The following ELMO1 variants were observed in gnomAD, a reference collection of about 807,000 sequenced individuals.
The protein encoded by ELMO1 is engulfment and cell motility 1, also known as engulfment and cell motility protein 1.
Under a neutral mutation model 98.9 loss-of-function variants are expected in ELMO1, and 26 were observed. The observed-to-expected ratio is 0.26, with a 90% CI of 0.19 to 0.36. The LOEUF is 0.36. Among genes scored for constraint, ELMO1 ranks in the 10% least tolerant of loss-of-function variants. The pLI, the probability that ELMO1 is intolerant of heterozygous loss-of-function variation, is 1.00. For synonymous variants in ELMO1, 346 were observed against 346.0 expected, an observed-to-expected ratio of 1.00 and a Z score of 0.00; for missense variants, 627 against 935.2, an observed-to-expected ratio of 0.67 and a Z score of 4.30.
chr7:36,897,349 T>TGTGTGTGTGTGTGTGTGTGTGG (rs1370708472), intron 16 of ELMO1, among the ~76,000 whole-genome samples: 1 of 151,622 alleles, frequency 6.6e-6, no homozygotes, highest in African/African-American at 2.4e-5. Flanking sequence ...TGTGTGTGTG[T>TGTGTGTGTGTGTGTGTGTGTGG]GAAAGAGTGT....
At chr7:37,102,707 C>T (rs904346902) in intron 14 of ELMO1, among the ~76,000 whole-genome samples, 1 of 152,222 alleles carries the variant, frequency 6.6e-6, no homozygotes, top group African/African-American at 2.4e-5. Context: ...AGCCATCTCA[C>T]TGTACAGATG....
At chr7:37,192,990 T>TAGATG (rs1791722803) in intron 13 of ELMO1, among the ~76,000 whole-genome samples, 1 of 68,602 alleles carries the variant, frequency 1.5e-5, no homozygotes, top group African/African-American at 5.2e-5. Context: ...TATATATATA[T>TAGATG]ATATATATAT....
At chr7:37,187,537 A>G (rs1039642692) in intron 13 of ELMO1, among the ~76,000 whole-genome samples, 3 of 152,188 alleles carry the variant, frequency 2.0e-5, no homozygotes, top group African/African-American at 7.2e-5. Context: ...AAAACTTCCC[A>G]ATTCACCCCA....
At chr7:37,215,646 C>T (rs1793235242) in intron 11 of ELMO1, among the ~76,000 whole-genome samples, 1 of 152,204 alleles carries the variant, frequency 6.6e-6, no homozygotes, top group Non-Finnish European at 1.5e-5. Flanking sequence ...TCAAACTAGC[C>T]AATCCTAAAC....
chr7:37,347,662 T>A (rs1164342118), intron 1 of ELMO1, among the ~76,000 whole-genome samples: 1 of 152,148 alleles, frequency 6.6e-6, no homozygotes, highest in Non-Finnish European at 1.5e-5. Context: ...AGGCCTCCCA[T>A]CCACATGAAA....
intron 13 of ELMO1, among the ~76,000 whole-genome samples, chr7:37,188,501 A>AATAATAATAATAATAAT (rs1554438183): frequency 1.6e-5 from 2 of 125,960 alleles, no homozygotes; most frequent in Non-Finnish European, 1.6e-5. Context: ...AAAAAAAAAA[A>AATAATAATAATAATAAT]AATAATAATA....
At chr7:37,077,720 C>T (rs915424123) in intron 15 of ELMO1, among the ~76,000 whole-genome samples, 3 of 152,246 alleles carry the variant, frequency 2.0e-5, no homozygotes, top group African/African-American at 4.8e-5. Context: ...AAGTTTCAGG[C>T]GCCAACAACG....
At chr7:37,434,891 C>T (rs760961623) in intron 1 of ELMO1, among the ~76,000 whole-genome samples, 12 of 152,196 alleles carry the variant, frequency 7.9e-5, no homozygotes, top group Non-Finnish European at 1.6e-4. Context: ...AGTAACTCCC[C>T]CTTCAACAGC....
At chr7:37,395,875 C>T (rs1187570129) in intron 1 of ELMO1, among the ~76,000 whole-genome samples, 1 of 152,184 alleles carries the variant, frequency 6.6e-6, no homozygotes, top group Non-Finnish European at 1.5e-5. Context: ...AGTGCACAGA[C>T]ATTTTGTACA....
intron 18 of ELMO1, among the ~76,000 whole-genome samples, chr7:36,882,758 A>C (rs1195811768): frequency 6.6e-6 from 1 of 152,214 alleles, no homozygotes; most frequent in African/African-American, 2.4e-5. Context: ...TAAAGTATGG[A>C]TCCTACATCT....
At chr7:37,427,789 C>G (rs1254886577) in intron 1 of ELMO1, among the ~76,000 whole-genome samples, 2 of 152,212 alleles carry the variant, frequency 1.3e-5, no homozygotes, top group Non-Finnish European at 2.9e-5. Context: ...GCATGCTCTT[C>G]CATTTCTGCA....
intron 15 of ELMO1, among the ~76,000 whole-genome samples, chr7:37,078,203 G>A (rs1797686031): frequency 6.6e-6 from 1 of 152,100 alleles, no homozygotes; most frequent in South Asian, 2.1e-4. Context: ...TTATAATAAT[G>A]CAGTCATAAA....
In ELMO1 at chr7:37,123,354, T is replaced by C. The variant is rs193213557; in HGVS notation, c.1191+9776A>G. ...AAAATCAATGAATCCAGGAGCTGCT[T>C]TTTTGAAAAGATCAACAAAACTGAT... is the stretch of plus-strand genomic sequence containing the variant. On this transcript the variant is annotated intron_variant, in intron 14 of 21. Coordinates refer to ENST00000310758, the MANE Select transcript of ELMO1 (RefSeq NM_014800.11). Among the ~76,000 whole-genome samples, 1,049 of 152,304 alleles carry C rather than the reference T, an allele frequency of 6.9e-3. 12 individuals carry two copies. The highest frequency in any genetic ancestry group is 0.024 in the African/African-American group (995 of 41,552).
chr7:37,378,593 A>G (rs942987224), intron 1 of ELMO1, among the ~76,000 whole-genome samples: 1 of 150,578 alleles, frequency 6.6e-6, no homozygotes, highest in African/African-American at 2.4e-5. Flanking sequence ...CGTGGTATAA[A>G]CGAAAAAAAA....
intron 15 of ELMO1, among the ~76,000 whole-genome samples, chr7:37,045,299 C>G (rs1294087663): frequency 6.6e-6 from 1 of 152,168 alleles, no homozygotes; most frequent in Non-Finnish European, 1.5e-5. Context: ...ATGTTAATAA[C>G]AGGAGAAATG....
chr7:37,143,626 C>T (rs1187248287), intron 13 of ELMO1, among the ~76,000 whole-genome samples: 2 of 151,668 alleles, frequency 1.3e-5, no homozygotes, highest in Non-Finnish European at 2.9e-5. Flanking sequence ...AGGCTGATTT[C>T]GAACTCCTGA....
intron 7 of ELMO1, among the ~76,000 whole-genome samples, chr7:37,237,532 C>T (rs1241010650): frequency 1.3e-5 from 2 of 152,148 alleles, no homozygotes; most frequent in Non-Finnish European, 2.9e-5. Context: ...TCAGGTGATC[C>T]GCCCGCCTCA....
intron 15 of ELMO1, among the ~76,000 whole-genome samples, chr7:37,026,819 C>CA (rs1001899581): frequency 1.3e-5 from 2 of 152,122 alleles, no homozygotes; most frequent in Admixed American, 1.3e-4. Flanking sequence ...TTTGGATTCC[C>CA]ACGCCTGATT....
intron 1 of ELMO1, among the ~76,000 whole-genome samples, chr7:37,376,565 A>C (rs1802355344): frequency 6.6e-6 from 1 of 152,120 alleles, no homozygotes; most frequent in African/African-American, 2.4e-5. Flanking sequence ...CAAGGAACTG[A>C]CTCAATTAGT....
Sources: gnomAD v4.1 joint callset for allele counts (sites outside exome capture counted in the v4.1 genomes callset) on GRCh38, gnomAD v4.1.1 for gene constraint, MANE v1.5 for transcripts, NCBI Gene and HGNC (gene_info 2026-07-23, HGNC 2026-07-21) for gene names.